Variants in MAGI3 observed in about 807,000 individuals in gnomAD.
MAGI3 encodes the protein membrane associated guanylate kinase, WW and PDZ domain containing 3.
In MAGI3, 43 loss-of-function variants were observed where a neutral mutation model predicts 121.8. The ratio of observed to expected loss-of-function variants is 0.35; its 90% CI spans 0.28 to 0.46. MAGI3 has a LOEUF of 0.46. Ranked by LOEUF, MAGI3 falls within the 20% of genes least tolerant of loss-of-function variation. The pLI is 1.00. For missense variants in MAGI3, 1,547 were observed against 1,797.3 expected, an observed-to-expected ratio of 0.86 and a Z score of 2.52; for synonymous variants, 553 against 639.3, an observed-to-expected ratio of 0.86 and a Z score of 2.04.
At chr1:113,553,474 T>A (rs1659862762) in intron 2 of MAGI3, among the ~76,000 whole-genome samples, 1 of 152,102 alleles carries the variant, frequency 6.6e-6, no homozygotes. Flanking sequence ...GAGTTTTAAG[T>A]TTAACAATTC....
At chr1:113,608,550 C>G (rs1649931125) in intron 6 of MAGI3, among the ~76,000 whole-genome samples, 1 of 152,144 alleles carries the variant, frequency 6.6e-6, no homozygotes, top group Admixed American at 6.6e-5. Flanking sequence ...AACTGCAAGC[C>G]TCCTCCCAAC....
intron 2 of MAGI3, among the ~76,000 whole-genome samples, chr1:113,572,474 G>GCTC (rs1454527034): frequency 4.6e-5 from 7 of 152,148 alleles, no homozygotes; most frequent in Non-Finnish European, 1.0e-4. Context: ...AATGGTACCA[G>GCTC]CTCCTCTTTG....
At chr1:113,636,737 A>G (rs1162870479) in intron 9 of MAGI3, among the ~76,000 whole-genome samples, 3 of 152,028 alleles carry the variant, frequency 2.0e-5, no homozygotes, top group African/African-American at 4.8e-5. Context: ...GTAGATGTCT[A>G]TTAGGTCTGC....
chr1:113,604,026 T>C (rs183225960), intron 6 of MAGI3, among the ~76,000 whole-genome samples: 4 of 152,338 alleles, frequency 2.6e-5, no homozygotes, highest in African/African-American at 7.2e-5. Context: ...ACTTATACAC[T>C]GCTGGTTGGA....
intron 1 of MAGI3, among the ~76,000 whole-genome samples, chr1:113,392,271 G>A (rs1650866972): frequency 6.6e-6 from 1 of 152,216 alleles, no homozygotes; most frequent in African/African-American, 2.4e-5. Flanking sequence ...CGTCTTAGAT[G>A]TTTGTGGGAG....
At chr1:113,497,134 G>A (rs1186730842) in intron 1 of MAGI3, among the ~76,000 whole-genome samples, 1 of 152,212 alleles carries the variant, frequency 6.6e-6, no homozygotes, top group Non-Finnish European at 1.5e-5. Flanking sequence ...GCGCATGCCT[G>A]TAAGTCCCAG....
intron 1 of MAGI3, among the ~76,000 whole-genome samples, chr1:113,494,417 T>C (rs551662039): frequency 1.3e-5 from 2 of 152,288 alleles, no homozygotes; most frequent in South Asian, 2.1e-4. Flanking sequence ...GGCTTAATAC[T>C]TGGGTTACTA....
chr1:113,553,991 G>C (rs1412843558), intron 2 of MAGI3, among the ~76,000 whole-genome samples: 3 of 152,236 alleles, frequency 2.0e-5, no homozygotes, highest in Non-Finnish European at 4.4e-5. Context: ...CCTGGTGACA[G>C]AGCGAGACTA....
intron 2 of MAGI3, among the ~76,000 whole-genome samples, chr1:113,566,201 A>G (rs1426731284): frequency 6.6e-6 from 1 of 152,196 alleles, no homozygotes; most frequent in Non-Finnish European, 1.5e-5. Context: ...AATTAAACAT[A>G]CACTTAACCA....
intron 1 of MAGI3, among the ~76,000 whole-genome samples, chr1:113,416,423 A>T (rs1307295568): frequency 8.1e-5 from 1 of 12,308 alleles, no homozygotes; most frequent in African/African-American, 2.6e-4. Context: ...TTAATAATTA[A>T]TAATATATAT....
At chr1:113,402,384 TAC>T (rs1651455153) in intron 1 of MAGI3, among the ~76,000 whole-genome samples, 1 of 152,170 alleles carries the variant, frequency 6.6e-6, no homozygotes. Context: ...GATTAAGATT[TAC>T]ACAGTCAAAA....
intron 9 of MAGI3, among the ~76,000 whole-genome samples, chr1:113,623,802 A>T (rs1217180879): frequency 6.6e-6 from 1 of 151,728 alleles, no homozygotes; most frequent in Non-Finnish European, 1.5e-5. Flanking sequence ...CTAGCTATAT[A>T]TTTTTTATAT....
chr1:113,645,669 G>C (rs1652792993), intron 11 of MAGI3, among the ~76,000 whole-genome samples: 1 of 152,132 alleles, frequency 6.6e-6, no homozygotes, highest in African/African-American at 2.4e-5. Flanking sequence ...TGTAGTGGCT[G>C]ACCCCTGATT....
chr1:113,434,917 C>T (rs760809325), intron 1 of MAGI3, among the ~76,000 whole-genome samples: 3 of 151,902 alleles, frequency 2.0e-5, no homozygotes, highest in Non-Finnish European at 4.4e-5. Context: ...TCATTTTGGC[C>T]CCAAACCATT....
At chr1:113,493,072 C>T (rs1023537058) in intron 1 of MAGI3, among the ~76,000 whole-genome samples, 1 of 151,986 alleles carries the variant, frequency 6.6e-6, no homozygotes, top group Non-Finnish European at 1.5e-5. Context: ...AAAAAGAGCC[C>T]AAATAGCCAA....
intron 2 of MAGI3, among the ~76,000 whole-genome samples, chr1:113,568,268 T>C (rs935345190): frequency 2.1e-4 from 32 of 152,080 alleles, no homozygotes; most frequent in African/African-American, 7.2e-4. Context: ...TACCATAGCA[T>C]ATAAGTTTTT....
intron 1 of MAGI3, among the ~76,000 whole-genome samples, chr1:113,405,685 A>C (rs1051887085): frequency 6.6e-6 from 1 of 152,078 alleles, no homozygotes; most frequent in Admixed American, 6.6e-5. Context: ...TAAGGTGCAG[A>C]CTGTAGATCT....
At chr1:113,448,870 A>G (rs1185333300) in intron 1 of MAGI3, among the ~76,000 whole-genome samples, 3 of 152,200 alleles carry the variant, frequency 2.0e-5, no homozygotes, top group Non-Finnish European at 4.4e-5. Context: ...CTGTAATTCC[A>G]GCACTTTGAG....
rs1230503063 is a variant in MAGI3 at position 113,391,025 on chromosome 1, G to A, written c.-9G>A. 1.9e-6 allele frequency: 3 copies of A among 1,574,406 alleles called. No individual in the cohort carries two copies. The highest frequency in any genetic ancestry group is 1.2e-5 in the South Asian group (1 of 86,336). The stretch of plus-strand genomic sequence containing the variant: ...GCGGGGTCTCCCCCATGGTGCAGCG[G>A]GGTTCGGGATGTCGAAGACGCTGAA... On this transcript the variant is annotated 5_prime_UTR_variant, in exon 1 of 21. Coordinates refer to ENST00000307546, the MANE Select transcript of MAGI3 (RefSeq NM_001142782.2). This position sits in a 1 kb window ranked among gnomAD's most constrained non-coding sequence, Gnocchi z 4.4.
Sources: gnomAD v4.1 joint callset for allele counts (sites outside exome capture counted in the v4.1 genomes callset) on GRCh38, gnomAD v4.1.1 for gene constraint, Gnocchi (gnomAD v3.1) non-coding constraint, MANE v1.5 for transcripts, NCBI Gene and HGNC (gene_info 2026-07-23, HGNC 2026-07-21) for gene names.